Variants in HDAC9 observed in about 807,000 individuals in gnomAD.
HDAC9 encodes the protein MEF-2 interacting transcription repressor (MITR) protein.
In HDAC9, 41 loss-of-function variants were observed where a neutral mutation model predicts 139.4. That is an observed-to-expected ratio of 0.29 (90% CI 0.23 to 0.38). The LOEUF (loss-of-function observed/expected upper bound fraction) is 0.38, where lower values mean the gene tolerates loss of function less well. Among genes scored for constraint, HDAC9 ranks in the 10% least tolerant of loss-of-function variants. HDAC9 has a pLI of 1.00. For missense variants in HDAC9, 1,147 were observed against 1,297.0 expected, an observed-to-expected ratio of 0.88 and a Z score of 1.78; for synonymous variants, 517 against 476.2, an observed-to-expected ratio of 1.09 and a Z score of -1.12.
rs1562802078 is a variant in HDAC9, at chr7:18,257,433, AC to A, written c.25+95085del. Among the ~76,000 whole-genome samples the A allele has an allele frequency of 1.4e-3, 207 of 150,414 alleles. 1 individual carries two copies. Among genetic ancestry groups the A allele is most frequent in the African/African-American group, 3.0e-3 (122 of 40,596 alleles). Reference sequence around the variant, plus strand: ...CACACACACACACACACACACACACACACAAAAAGAAAAAAAGAAAAAGTAG... The same window carrying A: ...CACACACACACACACACACACACACAACAAAAAGAAAAAAAGAAAAAGTAG... On this transcript the variant is annotated intron_variant, in intron 2 of 12. Coordinates refer to the HDAC9 transcript ENST00000417496.
intron 2 of HDAC9, among the ~76,000 whole-genome samples, chr7:18,529,437 T>C (rs116678294): frequency 0.014 from 2,173 of 152,296 alleles, 48 homozygotes; most frequent in African/African-American, 0.05. Flanking sequence ...CCAAGTTAAG[T>C]TTTCATCCAA....
At chr7:18,446,849 A>G (rs1792343014) in intron 1 of HDAC9, among the ~76,000 whole-genome samples, 1 of 152,194 alleles carries the variant, frequency 6.6e-6, no homozygotes, top group African/African-American at 2.4e-5. Context: ...CCACAGTTGT[A>G]CATTATCCAC....
intron 25 of HDAC9, among the ~76,000 whole-genome samples, chr7:18,991,756 C>G (rs1785991194): frequency 1.3e-5 from 2 of 152,034 alleles, no homozygotes; most frequent in Non-Finnish European, 2.9e-5. Context: ...TACTAAAATT[C>G]AAATCTTTGT....
chr7:18,146,214 G>A (rs139074633), intron 1 of HDAC9, among the ~76,000 whole-genome samples: 55 of 152,254 alleles, frequency 3.6e-4, no homozygotes, highest in African/African-American at 1.2e-3. Context: ...GTCTGGCTGA[G>A]CTATTTCTTA....
At chr7:18,869,191 G>A (rs1056697664) in intron 21 of HDAC9, among the ~76,000 whole-genome samples, 6 of 136,206 alleles carry the variant, frequency 4.4e-5, no homozygotes, top group East Asian at 2.0e-4. Context: ...TGTGTGTTGC[G>A]GTAGGGGGAA....
intron 1 of HDAC9, among the ~76,000 whole-genome samples, chr7:18,372,310 G>T (rs1784652591): frequency 6.6e-6 from 1 of 152,166 alleles, no homozygotes; most frequent in Non-Finnish European, 1.5e-5. Flanking sequence ...GAGCTAGCTG[G>T]TCTACCAAGG....
At chr7:18,642,161 G>T (rs1270286658) in intron 8 of HDAC9, among the ~76,000 whole-genome samples, 1 of 152,064 alleles carries the variant, frequency 6.6e-6, no homozygotes, top group African/African-American at 2.4e-5. Context: ...ACTATACCTA[G>T]TAGATATGGG....
At chr7:18,200,973 A>G (rs1791075286) in intron 2 of HDAC9, among the ~76,000 whole-genome samples, 3 of 152,122 alleles carry the variant, frequency 2.0e-5, no homozygotes, top group Admixed American at 2.0e-4. Context: ...TTTTAGTTAT[A>G]CCATCATAGA....
intron 24 of HDAC9, among the ~76,000 whole-genome samples, chr7:18,971,596 C>T (rs1784246475): frequency 6.6e-6 from 1 of 152,210 alleles, no homozygotes; most frequent in Non-Finnish European, 1.5e-5. Flanking sequence ...CTGCATATTG[C>T]ACAGACGGTG....
At chr7:18,750,073 A>G (rs1788312819) in intron 14 of HDAC9, among the ~76,000 whole-genome samples, 1 of 152,210 alleles carries the variant, frequency 6.6e-6, no homozygotes, top group Admixed American at 6.5e-5. Flanking sequence ...AGTCTGTAAA[A>G]TATTTTACTT....
intron 1 of HDAC9, among the ~76,000 whole-genome samples, chr7:18,306,579 T>G (rs1003578508): frequency 2.0e-5 from 3 of 152,184 alleles, no homozygotes; most frequent in Non-Finnish European, 4.4e-5. Flanking sequence ...TCTGAAGCCT[T>G]CTACACATAC....
intron 11 of HDAC9, among the ~76,000 whole-genome samples, chr7:18,663,810 A>G (rs1165871681): frequency 6.6e-6 from 1 of 152,024 alleles, no homozygotes; most frequent in Non-Finnish European, 1.5e-5. Flanking sequence ...CCTGGCTTGT[A>G]TCTTTTCTCA....
chr7:18,315,314 G>A (rs1799565861), intron 1 of HDAC9, among the ~76,000 whole-genome samples: 1 of 152,116 alleles, frequency 6.6e-6, no homozygotes, highest in Non-Finnish European at 1.5e-5. Flanking sequence ...CATCTCATGA[G>A]GTGGGCATGT....
chr7:18,614,108 A>G (rs1837934340), intron 6 of HDAC9, among the ~76,000 whole-genome samples: 1 of 152,136 alleles, frequency 6.6e-6, no homozygotes, highest in African/African-American at 2.4e-5. Flanking sequence ...GGTTTAACCC[A>G]GCTTTCTCAT....
intron 1 of HDAC9, among the ~76,000 whole-genome samples, chr7:18,412,365 A>G (rs1788649210): frequency 6.6e-6 from 1 of 152,236 alleles, no homozygotes; most frequent in Non-Finnish European, 1.5e-5. Context: ...AGTCAAAACT[A>G]CGATGGAATG....
rs140221404 is a variant in HDAC9, at chr7:18,931,224, C to A, written c.2804-4585C>A. 3.4e-3 allele frequency among the ~76,000 whole-genome samples: 514 copies of A among 152,184 alleles called. 7 individuals carry two copies. The highest frequency in any genetic ancestry group is 0.011 in the African/African-American group (474 of 41,512). ...TATTAATCTTGGCTCAGGGAAAGAA[C>A]ATTTCTAAGCATTAGGGATCAAAAT... On this transcript the variant is annotated intron_variant, in intron 22 of 25. Transcript: ENST00000686413.
chr7:18,980,763 T>C (rs916488133), intron 25 of HDAC9, among the ~76,000 whole-genome samples: 25 of 150,136 alleles, frequency 1.7e-4, no homozygotes, highest in Non-Finnish European at 3.1e-4. Context: ...TTCTTCCTTC[T>C]TCTTCTTCTT....
chr7:18,668,143 C>T (rs1362274250), intron 12 of HDAC9: 1 of 855,064 alleles, frequency 1.2e-6, no homozygotes, highest in African/African-American at 1.8e-5. Flanking sequence ...GCTAAAGATA[C>T]ATTATCCTTT....
Position 18,998,288 on chromosome 7 carries a change from A to C in HDAC9, c.*2226A>C, listed in dbSNP as rs916247080. 6.6e-6 allele frequency: 1 copy of C among 151,760 alleles called. No homozygotes were observed. The highest frequency in any genetic ancestry group is 1.5e-5 in the Non-Finnish European group (1 of 68,022). 9.4% of individuals were successfully genotyped at this position (151,760 alleles called of 1,614,324 possible). ...GTAATGCAAACATGCTAATTTACTA[A>C]AGTTTCCTACAACAGTTTAGCCACA... On this transcript the variant is annotated 3_prime_UTR_variant, in exon 26 of 26. Coordinates refer to ENST00000686413, the MANE Select transcript of HDAC9 (RefSeq NM_178425.4).
Sources: gnomAD v4.1 joint callset for allele counts (sites outside exome capture counted in the v4.1 genomes callset) on GRCh38, gnomAD v4.1.1 for gene constraint, MANE v1.5 for transcripts, NCBI Gene and HGNC (gene_info 2026-07-23, HGNC 2026-07-21) for gene names.